AMPD3: variants seen among roughly 807,000 people sequenced by gnomAD.
The protein encoded by AMPD3 is AMP deaminase 3.
A neutral mutation model predicts 82.3 loss-of-function variants in AMPD3; 57 were observed. The observed-to-expected ratio is 0.69, with a 90% CI of 0.56 to 0.86. The LOEUF (loss-of-function observed/expected upper bound fraction) is 0.86. Among genes scored for constraint, AMPD3 ranks in the 40% least tolerant of loss-of-function variants. The pLI is 0.00. For synonymous variants in AMPD3, 381 were observed against 394.7 expected (o/e 0.97, Z 0.41); for missense variants, 870 against 1,003.8 (o/e 0.87, Z 1.80).
chr11:10,465,129 G>T (rs753072322), intron 2 of AMPD3, among the ~76,000 whole-genome samples: 1 of 152,136 alleles, frequency 6.6e-6, no homozygotes, highest in East Asian at 1.9e-4. Context: ...AATCCTTAGC[G>T]CAGTGCTTGG....
intron 2 of AMPD3, among the ~76,000 whole-genome samples, chr11:10,464,850 T>C (rs1460997001): frequency 6.6e-6 from 1 of 152,272 alleles, no homozygotes; most frequent in Non-Finnish European, 1.5e-5. Flanking sequence ...ATAATCTGGC[T>C]ATATTGTTTC....
chr11:10,457,115 C>G (rs910364293), intron 1 of AMPD3, among the ~76,000 whole-genome samples: 3 of 151,514 alleles, frequency 2.0e-5, no homozygotes, highest in African/African-American at 7.3e-5. Context: ...ATAGCTGAGA[C>G]CACAGGTGCA....
intron 3 of AMPD3, among the ~76,000 whole-genome samples, chr11:10,481,219 G>C (rs1848894113): frequency 1.3e-5 from 2 of 152,210 alleles, no homozygotes; most frequent in African/African-American, 4.8e-5. Context: ...TGGATGAGTT[G>C]GGTGATTAAC....
chr11:10,487,606 T>C (rs1849112700), intron 6 of AMPD3, among the ~76,000 whole-genome samples: 1 of 152,230 alleles, frequency 6.6e-6, no homozygotes, highest in Non-Finnish European at 1.5e-5. Flanking sequence ...TTGTCCGCAT[T>C]GTATATCTGT....
At position 10,495,718 on chromosome 11, in the gene AMPD3, A is replaced by T. The variant is rs778647342; in HGVS notation, c.1415A>T (p.Gln472Leu). The T allele has an allele frequency of 3.7e-6, 6 of 1,614,004 alleles. No homozygotes were observed. The highest frequency in any genetic ancestry group is 5.1e-6 in the Non-Finnish European group (6 of 1,180,036). The change falls in exon 9 of 15, where the codon CAG (glutamine) becomes CTG (leucine). Residue 472 changes from glutamine (Q) to leucine (L), a missense_variant. Physicochemically the swap from Gln to Leu is moderately radical, Grantham distance 113. Transcript: ENST00000396553. ...VYSPNMRWII[Q>L]VPRIYDIFRS... ...TCTCCCAACATGCGCTGGATCATCCAGGTGCCCCGGATTTAGTAAGTGAGG... is the reference window on the plus strand; with the variant it reads ...TCTCCCAACATGCGCTGGATCATCCTGGTGCCCCGGATTTAGTAAGTGAGG...
At position 10,461,608 on chromosome 11, in the gene AMPD3, G is replaced by A. The variant is rs373716662; in HGVS notation, c.89G>A (p.Arg30Gln). ...GAGAAGGTGTTTGCTAAAGTGCTCCGAGAAGAGGACAGCAAAGATGCCCTG... is the reference window on the plus strand; with the variant it reads ...GAGAAGGTGTTTGCTAAAGTGCTCCAAGAAGAGGACAGCAAAGATGCCCTG... The part of the protein sequence containing the change: ...LAEKVFAKVL[R>Q]EEDSKDALSL... Residue 30 changes from arginine (R) to glutamine (Q), a missense_variant, in exon 2 of 15, where the codon CGA becomes CAA. Transcript: ENST00000396553. 30 of 1,614,236 alleles carry A rather than the reference G, an allele frequency of 1.9e-5. No homozygotes were observed. The East Asian group carries it at 3.1e-4, about 17-fold the overall frequency.
At chr11:10,484,720 A>AT in intron 4 of AMPD3, 100 bp from the exon 5 acceptor site, 1 of 1,475,790 alleles carries the variant, frequency 6.8e-7, no homozygotes, top group Non-Finnish European at 9.4e-7. Flanking sequence ...GCAGGGTTGG[A>AT]TTTTGGGCAG....
rs769819205 is a variant in AMPD3 at position 10,502,746 on chromosome 11, AC to A, written c.1870del (p.Ala625LeufsTer24). ...AGTCCGGTATTGCAGTATCTCTACT[AC>A]CTTGCTCAGATCCCCATTGCCATGT... The part of the protein sequence containing the change: ...KKSPVLQYLY[Y>X]LAQIPIAMSP... On this transcript the variant is annotated frameshift_variant, in exon 13 of 15. Transcript: ENST00000396553. LOFTEE classifies it high-confidence loss of function. 1.9e-6 allele frequency: 3 copies of A among 1,614,028 alleles called. No homozygotes were observed. The highest frequency in any genetic ancestry group is 2.5e-6 in the Non-Finnish European group (3 of 1,180,002).
intron 6 of AMPD3, chr11:10,488,156 T>C (rs920991865): frequency 1.0e-6 from 1 of 963,588 alleles, no homozygotes; most frequent in Middle Eastern, 5.4e-4. Flanking sequence ...CCGGGGCTCC[T>C]GGCAGTCTCC....
At chr11:10,499,832 AC>A in intron 10 of AMPD3, 2 of 985,318 alleles carry the variant, frequency 2.0e-6, no homozygotes, top group African/African-American at 3.5e-5. Context: ...CCACCACCAC[AC>A]AGGGGCTTGG....
chr11:10,505,255 G>C, intron 14 of AMPD3: 1 of 984,450 alleles, frequency 1.0e-6, no homozygotes, highest in Non-Finnish European at 1.2e-6. Context: ...GGAAGAGGTT[G>C]CATTAGGGGC....
At chr11:10,495,466 G>C (rs977736782) in intron 8 of AMPD3, 104 bp from the exon 9 acceptor site, 1 of 1,596,674 alleles carries the variant, frequency 6.3e-7, no homozygotes, top group African/African-American at 1.3e-5. Context: ...CAGCCTGGGA[G>C]CAAGGTGGCT....
chr11:10,459,822 G>T (rs1848205890), intron 1 of AMPD3, among the ~76,000 whole-genome samples: 1 of 151,884 alleles, frequency 6.6e-6, no homozygotes, highest in Non-Finnish European at 1.5e-5. Context: ...CCAGGTGCCT[G>T]GGTTCAGATC....
upstream of AMPD3, chr11:10,450,551 C>G (rs1847934192): frequency 1.0e-6 from 1 of 986,294 alleles, no homozygotes; most frequent in Non-Finnish European, 1.2e-6. Flanking sequence ...GTGTGGAAGC[C>G]CGGCGGGGCC....
chr11:10,457,420 T>C (rs1848129410), intron 1 of AMPD3, among the ~76,000 whole-genome samples: 1 of 151,984 alleles, frequency 6.6e-6, no homozygotes, highest in African/African-American at 2.4e-5. Context: ...TGAATGTGAG[T>C]TGAGGGGCTG....
chr11:10,456,575 A>C lies in AMPD3; in HGVS notation c.-6+1127A>C. On this transcript the variant is annotated intron_variant, in intron 1 of 14. Coordinates refer to ENST00000396553, the MANE Select transcript of AMPD3 (RefSeq NM_001025389.2). This position sits in a 1 kb window ranked among gnomAD's most constrained non-coding sequence, Gnocchi z 4.3. Reference sequence around the variant, plus strand: ...TTTTAGAACTTTCTAACTTTGGGACACTTCTTCAAGTTCATCAGAGCGTGT... The same window carrying C: ...TTTTAGAACTTTCTAACTTTGGGACCCTTCTTCAAGTTCATCAGAGCGTGT... 1 of 985,454 alleles carries C rather than the reference A, an allele frequency of 1.0e-6. No individual in the cohort carries two copies. The highest frequency in any genetic ancestry group is 1.2e-6 in the Non-Finnish European group (1 of 829,934). The allele number at this position is 985,454 out of a possible 1,614,324, so 61.0% of individuals were successfully genotyped here. A position where few individuals can be genotyped will look rare whatever the true frequency, so the allele number is the denominator to read the frequency against.
chr11:10,473,545 C>T, intron 2 of AMPD3: 3 of 985,368 alleles, frequency 3.0e-6, no homozygotes, highest in Non-Finnish European at 3.6e-6. Context: ...TGAGTTTTCA[C>T]ACCTGATTGG....
intron 6 of AMPD3, 150 bp from the exon 7 acceptor site, chr11:10,493,199 A>G: frequency 1.1e-6 from 1 of 881,170 alleles, no homozygotes; most frequent in South Asian, 1.3e-5. Context: ...AGTCTGGAGG[A>G]GAAATGGGGG....
At chr11:10,495,813 C>T (rs1849381128) in intron 9 of AMPD3, 80 bp downstream of exon 9, 19 of 1,568,736 alleles carry the variant, frequency 1.2e-5, no homozygotes, top group Non-Finnish European at 4.4e-6. Flanking sequence ...AGTCTGCACT[C>T]CTGAGGGGTA....
Sources: allele counts gnomAD v4.1 joint callset (sites outside exome capture counted in the v4.1 genomes callset), GRCh38; gene constraint gnomAD v4.1.1; non-coding constraint Gnocchi (gnomAD v3.1); transcripts MANE v1.5; gene names NCBI Gene and HGNC (gene_info 2026-07-23, HGNC 2026-07-21).